MBD5: variants seen among roughly 807,000 people sequenced by gnomAD.
MBD5 encodes the protein methyl-CpG binding domain protein 5.
MBD5 carries 13 observed loss-of-function variants against 117.3 expected under a neutral mutation model. That is an observed-to-expected ratio of 0.11 (90% confidence interval 0.07 to 0.18). The LOEUF is 0.18. MBD5 is among the 10% of genes least tolerant of loss of function. MBD5 has a pLI of 1.00. For synonymous variants in MBD5, 727 were observed against 766.4 expected (o/e 0.95, Z 0.85); for missense variants, 1,879 against 2,093.8 (o/e 0.90, Z 2.00).
chr2:148,224,509 A>ATTTTTTTTTTTTTTTTTTTTTTTTTTT (rs34659671), intron 2 of MBD5, among the ~76,000 whole-genome samples: 1 of 58,136 alleles, frequency 1.7e-5, no homozygotes, highest in African/African-American at 8.1e-5. Context: ...CGCCTGGCTA[A>ATTTTTTTTTTTTTTTTTTTTTTTTTTT]TTTTTTTTTT....
chr2:148,505,179 G>C (rs1033930095), intron 12 of MBD5, among the ~76,000 whole-genome samples: 1 of 152,160 alleles, frequency 6.6e-6, no homozygotes, highest in Non-Finnish European at 1.5e-5. Flanking sequence ...CAAAATCAAG[G>C]ACAGCTCTCA....
At chr2:148,314,626 C>T (rs1702115204) in intron 3 of MBD5, among the ~76,000 whole-genome samples, 1 of 152,032 alleles carries the variant, frequency 6.6e-6, no homozygotes, top group Admixed American at 6.6e-5. Context: ...GATCCACCCT[C>T]CTCGGCCTCC....
chr2:148,189,438 G>A (rs1329469906), intron 2 of MBD5, among the ~76,000 whole-genome samples: 9 of 147,770 alleles, frequency 6.1e-5, no homozygotes, highest in African/African-American at 2.0e-4. Context: ...CCTCAAGTGG[G>A]TCCCTGACCC....
chr2:148,195,557 A>G (rs980905203), intron 2 of MBD5, among the ~76,000 whole-genome samples: 1 of 152,198 alleles, frequency 6.6e-6, no homozygotes, highest in South Asian at 2.1e-4. Context: ...AACCTGACCG[A>G]ATTGACATTT....
intron 2 of MBD5, among the ~76,000 whole-genome samples, chr2:148,227,689 A>C (rs1699868551): frequency 6.6e-6 from 1 of 152,180 alleles, no homozygotes; most frequent in Non-Finnish European, 1.5e-5. Flanking sequence ...CATTGAATCT[A>C]TAAATTACCT....
chr2:148,408,982 G>T (rs1705170045), intron 4 of MBD5, among the ~76,000 whole-genome samples: 1 of 152,138 alleles, frequency 6.6e-6, no homozygotes, highest in South Asian at 2.1e-4. Flanking sequence ...GTAATTTTAT[G>T]TCAGGGACTT....
chr2:148,464,127 A>C (rs1707183077), intron 7 of MBD5, among the ~76,000 whole-genome samples: 2 of 152,218 alleles, frequency 1.3e-5, no homozygotes, highest in Admixed American at 6.5e-5. Flanking sequence ...TACCCAGAGC[A>C]TTCAGTTTAA....
chr2:148,116,614 C>T (rs1419324381), intron 1 of MBD5, among the ~76,000 whole-genome samples: 1 of 152,136 alleles, frequency 6.6e-6, no homozygotes, highest in African/African-American at 2.4e-5. Context: ...ATTGATTCCT[C>T]CTTTTCTTTA....
chr2:148,177,769 T>C (rs1381577562), intron 1 of MBD5, among the ~76,000 whole-genome samples: 2 of 152,232 alleles, frequency 1.3e-5, no homozygotes, highest in Non-Finnish European at 2.9e-5. Context: ...GAATATATTT[T>C]AAAAGTGTTT....
intron 2 of MBD5, among the ~76,000 whole-genome samples, chr2:148,183,926 C>T (rs1698588852): frequency 6.6e-6 from 1 of 151,804 alleles, no homozygotes; most frequent in Non-Finnish European, 1.5e-5. Flanking sequence ...TCCCTAATCA[C>T]ATTGTAAAAA....
At chr2:148,174,381 A>G (rs1485096476) in intron 1 of MBD5, among the ~76,000 whole-genome samples, 1 of 152,140 alleles carries the variant, frequency 6.6e-6, no homozygotes, top group African/African-American at 2.4e-5. Context: ...GAAAACTGCA[A>G]AATTGGTCTG....
intron 1 of MBD5, 101 bp from the exon 2 acceptor site, chr2:148,178,598 TA>T (rs1698442833): frequency 5.2e-6 from 2 of 386,732 alleles, no homozygotes; most frequent in South Asian, 2.9e-4. Context: ...AGGCTTATTA[TA>T]TAAAGTCATG....
intron 1 of MBD5, among the ~76,000 whole-genome samples, chr2:148,039,639 T>C (rs1235571468): frequency 2.0e-5 from 3 of 151,650 alleles, no homozygotes; most frequent in Non-Finnish European, 2.9e-5. Flanking sequence ...TTTCATCTAA[T>C]TGAATATATT....
chr2:148,057,387 T>A (rs1694897049), intron 1 of MBD5, among the ~76,000 whole-genome samples: 1 of 151,880 alleles, frequency 6.6e-6, no homozygotes, highest in Non-Finnish European at 1.5e-5. Flanking sequence ...TTAGCTATAT[T>A]TCACAGGCTT....
chr2:148,418,600 A>T (rs1705499585), intron 4 of MBD5, among the ~76,000 whole-genome samples: 1 of 152,206 alleles, frequency 6.6e-6, no homozygotes, highest in Non-Finnish European at 1.5e-5. Context: ...TGAGGATCAA[A>T]TTGAGAATTC....
intron 3 of MBD5, among the ~76,000 whole-genome samples, chr2:148,320,589 T>G (rs1702260483): frequency 6.6e-6 from 1 of 152,084 alleles, no homozygotes; most frequent in African/African-American, 2.4e-5. Flanking sequence ...CTCCTGGGCT[T>G]AAGCATTCCA....
At chr2:148,250,613 T>G (rs961870137) in intron 3 of MBD5, among the ~76,000 whole-genome samples, 4 of 152,208 alleles carry the variant, frequency 2.6e-5, no homozygotes, top group African/African-American at 9.6e-5. Flanking sequence ...CTTCACCAGA[T>G]AGTAATCTTA....
chr2:148,396,233 C>T (rs978246763), intron 4 of MBD5, among the ~76,000 whole-genome samples: 2 of 152,152 alleles, frequency 1.3e-5, no homozygotes, highest in Admixed American at 1.3e-4. Flanking sequence ...GTGTTGGAGC[C>T]ATGGTATGGA....
intron 1 of MBD5, among the ~76,000 whole-genome samples, chr2:148,119,034 G>A (rs1823447): frequency 0.42 from 63,231 of 151,750 alleles, 13,363 homozygotes; most frequent in Middle Eastern, 0.54. Context: ...CTTCTCTCAG[G>A]TATATACTCA....
Sources: allele counts gnomAD v4.1 joint callset (sites outside exome capture counted in the v4.1 genomes callset), GRCh38; gene constraint gnomAD v4.1.1; transcripts MANE v1.5; gene names NCBI Gene and HGNC (gene_info 2026-07-23, HGNC 2026-07-21).